Variants in KCNIP4 observed in about 807,000 individuals in gnomAD.
KCNIP4 encodes the protein potassium voltage-gated channel interacting protein 4.
KCNIP4 carries 12 observed loss-of-function variants against 34.0 expected under a neutral mutation model. The observed-to-expected ratio is 0.35, with a 90% CI of 0.23 to 0.57. The LOEUF (loss-of-function observed/expected upper bound fraction) is 0.57, where lower values mean the gene tolerates loss of function less well. Ranked by LOEUF, KCNIP4 falls within the 20% of genes least tolerant of loss-of-function variation. The probability of loss-of-function intolerance (pLI) is 0.83; values close to 1 mark genes in which losing one functional copy is unlikely to be tolerated. For missense variants in KCNIP4, 238 were observed against 311.7 expected (o/e 0.76, Z 1.78); for synonymous variants, 124 against 102.2 (o/e 1.21, Z -1.29).
At chr4:21,271,736 G>A (rs1298593623) in intron 1 of KCNIP4, among the ~76,000 whole-genome samples, 1 of 152,134 alleles carries the variant, frequency 6.6e-6, no homozygotes, top group African/African-American at 2.4e-5. Flanking sequence ...ATAATGCAGT[G>A]TGTTTCTATA....
intron 1 of KCNIP4, among the ~76,000 whole-genome samples, chr4:21,819,735 G>T (rs1173989795): frequency 6.6e-6 from 1 of 152,162 alleles, no homozygotes; most frequent in Non-Finnish European, 1.5e-5. Context: ...AAGGGAGAGA[G>T]AGAAGATGGA....
intron 1 of KCNIP4, among the ~76,000 whole-genome samples, chr4:21,080,977 T>C (rs1452844436): frequency 6.6e-6 from 1 of 151,872 alleles, no homozygotes; most frequent in Non-Finnish European, 1.5e-5. Context: ...GGGATTCAGA[T>C]TCTTTTTTTC....
intron 1 of KCNIP4, among the ~76,000 whole-genome samples, chr4:21,535,123 C>T (rs1737040634): frequency 6.6e-6 from 1 of 152,098 alleles, no homozygotes; most frequent in Non-Finnish European, 1.5e-5. Context: ...AAAGCAGCTG[C>T]TGCTCTAAAG....
chr4:20,882,640 G>A lies in KCNIP4; in HGVS notation c.131C>T (p.Ser44Leu). The A allele has an allele frequency of 6.2e-7, 1 of 1,613,550 alleles. No individual in the cohort carries two copies. Among genetic ancestry groups the A allele is most frequent in the Non-Finnish European group, 8.5e-7 (1 of 1,179,770 alleles). The change falls in exon 2 of 9, where the codon TCA becomes TTA. Residue 44 changes from serine (S) to leucine (L), a missense_variant. Physicochemically the swap from Ser to Leu is moderately radical, Grantham distance 145 (BLOSUM62 -2). Coordinates refer to ENST00000382152, the MANE Select transcript of KCNIP4 (RefSeq NM_025221.6). ...KERLMKLLPCSAAKTSSPAIQ... is the reference protein window; with the variant it reads ...KERLMKLLPCLAAKTSSPAIQ... ...AGCAGGAGACGACGTTTTGGCAGCTGAGCAGGGCAAGAGCTTCATGAGCCG... is the reference window on the plus strand; with the variant it reads ...AGCAGGAGACGACGTTTTGGCAGCTAAGCAGGGCAAGAGCTTCATGAGCCG...
chr4:21,765,251 G>A (rs774070959), intron 1 of KCNIP4, among the ~76,000 whole-genome samples: 15 of 151,562 alleles, frequency 9.9e-5, no homozygotes, highest in Non-Finnish European at 2.2e-4. Context: ...GACCTCCGGG[G>A]CTCAAGTGAT....
At chr4:20,765,151 A>G (rs1755288324) in intron 3 of KCNIP4, among the ~76,000 whole-genome samples, 1 of 152,234 alleles carries the variant, frequency 6.6e-6, no homozygotes, top group African/African-American at 2.4e-5. Flanking sequence ...CTGGAGATAC[A>G]GGAATGAGTT....
chr4:21,010,017 T>C lies in KCNIP4; in HGVS notation c.62-127308A>G, dbSNP rs954641916. Among the ~76,000 whole-genome samples the C allele has an allele frequency of 2.0e-5, 3 of 152,214 alleles. No homozygotes were observed. In the East Asian group the frequency reaches 5.8e-4, roughly 29 times the overall value. On this transcript the variant is annotated intron_variant, in intron 1 of 8. Transcript: ENST00000382152. ...ACAATGAAGATGATGGCCAGTTTAG[T>C]CCCTGGTGAGGGCCCCACTCTCATG...
intron 1 of KCNIP4, among the ~76,000 whole-genome samples, chr4:21,063,989 C>A (rs572323681): frequency 6.6e-6 from 1 of 152,228 alleles, no homozygotes; most frequent in East Asian, 1.9e-4. Context: ...TTCATACTAA[C>A]ATCTCAATGG....
chr4:21,443,711 T>C (rs992869446), intron 1 of KCNIP4, among the ~76,000 whole-genome samples: 2 of 151,978 alleles, frequency 1.3e-5, no homozygotes, highest in African/African-American at 4.8e-5. Flanking sequence ...GGTAAGAGAA[T>C]TGCTTGAGCC....
chr4:21,726,225 T>C (rs1715182064), intron 1 of KCNIP4, among the ~76,000 whole-genome samples: 1 of 137,136 alleles, frequency 7.3e-6, no homozygotes, highest in Non-Finnish European at 1.6e-5. Flanking sequence ...CATGGATAAA[T>C]AACAAATCAG....
At chr4:21,724,880 T>C (rs1715081694) in intron 1 of KCNIP4, among the ~76,000 whole-genome samples, 2 of 152,158 alleles carry the variant, frequency 1.3e-5, no homozygotes, top group East Asian at 3.9e-4. Context: ...GACCTAACCA[T>C]ACAGTATCCA....
chr4:20,888,330 T>G (rs1249097928), intron 1 of KCNIP4, among the ~76,000 whole-genome samples: 1 of 152,172 alleles, frequency 6.6e-6, no homozygotes, highest in East Asian at 1.9e-4. Flanking sequence ...GTTCAATCAC[T>G]ATCTACTGAA....
intron 1 of KCNIP4, among the ~76,000 whole-genome samples, chr4:21,348,637 T>G (rs952256136): frequency 6.6e-6 from 1 of 152,196 alleles, no homozygotes; most frequent in Non-Finnish European, 1.5e-5. Flanking sequence ...AAAAATTTTA[T>G]GGAGAAGCCC....
chr4:21,462,326 G>T (rs866551957), intron 1 of KCNIP4, among the ~76,000 whole-genome samples: 1 of 152,098 alleles, frequency 6.6e-6, no homozygotes, highest in East Asian at 1.9e-4. Context: ...CAATCACTGC[G>T]GAAGGCAAGG....
At chr4:20,815,677 C>T (rs1300754238) in intron 3 of KCNIP4, among the ~76,000 whole-genome samples, 3 of 152,056 alleles carry the variant, frequency 2.0e-5, no homozygotes, top group Non-Finnish European at 4.4e-5. Context: ...TTCATCAAAA[C>T]CAATTATGTA....
intron 1 of KCNIP4, chr4:21,582,030 A>ATGGAG (rs1741253820): frequency 1.6e-5 from 1 of 62,952 alleles, no homozygotes; most frequent in Non-Finnish European, 4.1e-5. Flanking sequence ...ATAGAATAGA[A>ATGGAG]TGGAATGGAA....
intron 3 of KCNIP4, among the ~76,000 whole-genome samples, chr4:20,818,920 C>CTTTTTTTTTTT (rs11382765): frequency 9.5e-6 from 1 of 104,954 alleles, no homozygotes; most frequent in African/African-American, 3.8e-5. Flanking sequence ...TATATTATCT[C>CTTTTTTTTTTT]TTTTTTTTTT....
chr4:21,291,667 G>A (rs1233114987), intron 1 of KCNIP4, among the ~76,000 whole-genome samples: 1 of 151,488 alleles, frequency 6.6e-6, no homozygotes, highest in Non-Finnish European at 1.5e-5. Flanking sequence ...GGATAACATG[G>A]TGAAACCCTG....
chr4:21,820,309 ATATATATAT>A lies in KCNIP4; in HGVS notation c.61+128253_61+128261del, dbSNP rs1306409564. On this transcript the variant is annotated intron_variant, in intron 1 of 8. Coordinates refer to ENST00000382152, the MANE Select transcript of KCNIP4 (RefSeq NM_025221.6). ...TGTATATATATATATATATATATAT[ATATATATAT>A]ATATATACATATATACACATACACA... Among the ~76,000 whole-genome samples the A allele has an allele frequency of 8.3e-5, 12 of 144,790 alleles. No homozygotes were observed. The South Asian group carries it at 2.6e-3, about 31-fold the overall frequency. The allele number at this position is 144,790 out of a possible 152,430, so 95.0% of individuals were successfully genotyped here. A position where few individuals can be genotyped will look rare whatever the true frequency, so the allele number is the denominator to read the frequency against.
Sources: allele counts gnomAD v4.1 joint callset (sites outside exome capture counted in the v4.1 genomes callset), GRCh38; gene constraint gnomAD v4.1.1; transcripts MANE v1.5; gene names NCBI Gene and HGNC (gene_info 2026-07-23, HGNC 2026-07-21).